Variants in TBX15 observed in about 807,000 individuals in gnomAD.
The protein encoded by TBX15 is T-box transcription factor 15.
TBX15 carries 18 observed loss-of-function variants against 53.9 expected under a neutral mutation model. The ratio of observed to expected loss-of-function variants is 0.33; its 90% CI spans 0.23 to 0.49. TBX15 has a LOEUF of 0.49. Among genes scored for constraint, TBX15 ranks in the 20% least tolerant of loss-of-function variants. The pLI, the probability that TBX15 is intolerant of heterozygous loss-of-function variation, is 0.98. For synonymous variants in TBX15, 295 were observed against 278.0 expected, an observed-to-expected ratio of 1.06 and a Z score of -0.61; for missense variants, 692 against 749.5, an observed-to-expected ratio of 0.92 and a Z score of 0.90.
chr1:118,913,996 G>T, intron 6 of TBX15, 119 bp downstream of exon 6: 1 of 975,406 alleles, frequency 1.0e-6, no homozygotes, highest in Non-Finnish European at 1.6e-6. Context: ...TTGCCGAAGT[G>T]TACACAGTGG....
chr1:118,885,565 G>A (rs1557868800), intron 7 of TBX15, 49 bp from the exon 8 acceptor site: 1 of 1,547,060 alleles, frequency 6.5e-7, no homozygotes, highest in Non-Finnish European at 8.7e-7. Context: ...TTTAAGATGA[G>A]TCTGCCTAAG....
intron 6 of TBX15, among the ~76,000 whole-genome samples, chr1:118,910,226 C>A (rs1311653714): frequency 6.6e-6 from 1 of 152,054 alleles, no homozygotes; most frequent in East Asian, 1.9e-4. Flanking sequence ...TTGTGTTCTG[C>A]AAAACCAAAA....
intron 1 of TBX15, among the ~76,000 whole-genome samples, chr1:118,985,311 T>G (rs538822437): frequency 1.3e-5 from 2 of 152,182 alleles, no homozygotes; most frequent in African/African-American, 4.8e-5. Flanking sequence ...CATACACACA[T>G]CTTTAAATGT....
intron 7 of TBX15, among the ~76,000 whole-genome samples, chr1:118,892,118 A>AGGGAT (rs1235515404): frequency 2.0e-4 from 30 of 151,500 alleles, no homozygotes; most frequent in Non-Finnish European, 4.1e-4. Flanking sequence ...AGTAGGAACA[A>AGGGAT]GGGATTTCAG....
intron 1 of TBX15, among the ~76,000 whole-genome samples, chr1:118,981,314 A>C (rs1250720924): frequency 2.6e-5 from 4 of 151,534 alleles, no homozygotes; most frequent in African/African-American, 9.7e-5. Flanking sequence ...ACACACACAC[A>C]CACACACACA....
At chr1:118,913,162 T>C (rs1425829910) in intron 6 of TBX15, among the ~76,000 whole-genome samples, 1 of 152,170 alleles carries the variant, frequency 6.6e-6, no homozygotes, top group African/African-American at 2.4e-5. Context: ...TTGAAAATTC[T>C]TACAGACAGA....
chr1:118,933,569 G>A (rs1470934516), intron 1 of TBX15, among the ~76,000 whole-genome samples: 2 of 151,636 alleles, frequency 1.3e-5, no homozygotes, highest in Admixed American at 1.3e-4. Context: ...TCCAAGCACT[G>A]AAAAGTAGAA....
At chr1:118,898,984 C>T in intron 7 of TBX15, 44 bp downstream of exon 7, 3 of 1,592,848 alleles carry the variant, frequency 1.9e-6, no homozygotes, top group Non-Finnish European at 2.6e-6. Context: ...CCCACTCTGT[C>T]CCTGGCCCTA....
At chr1:118,966,333 C>T (rs1179678223) in intron 1 of TBX15, among the ~76,000 whole-genome samples, 1 of 152,208 alleles carries the variant, frequency 6.6e-6, no homozygotes, top group Non-Finnish European at 1.5e-5. Flanking sequence ...GCAGGTTCTC[C>T]TGGGCCTGCT....
chr1:118,899,166 T>G (rs1011960097), intron 6 of TBX15, 41 bp from the exon 7 acceptor site: 16 of 1,572,546 alleles, frequency 1.0e-5, no homozygotes, highest in Non-Finnish European at 1.4e-5. Flanking sequence ...ATAAATAATT[T>G]CAAGAAATGC....
In TBX15 at chr1:118,987,925, G is replaced by T. The variant is rs1346942182; in HGVS notation, c.-130C>A. 3.4e-6 allele frequency: 4 copies of T among 1,160,706 alleles called. No individual in the cohort carries two copies. The highest frequency in any genetic ancestry group is 3.6e-6 in the Non-Finnish European group (3 of 833,422). The allele number at this position is 1,160,706 out of a possible 1,614,324, so 71.9% of individuals were successfully genotyped here. A position where few individuals can be genotyped will look rare whatever the true frequency, so the allele number is the denominator to read the frequency against. The stretch of plus-strand genomic sequence containing the variant: ...GCGCGTCGGACGAGGCTGAGACTGC[G>T]GCTCGCGGGTCTCTCCACCCTCCCC... On this transcript the variant is annotated 5_prime_UTR_variant, in exon 1 of 8. Transcript: ENST00000369429.
chr1:118,891,816 A>G (rs1177826699), intron 7 of TBX15, among the ~76,000 whole-genome samples: 1 of 152,210 alleles, frequency 6.6e-6, no homozygotes, highest in Non-Finnish European at 1.5e-5. Context: ...GGGTGCCTAC[A>G]TTAAGCTTTG....
At chr1:118,900,764 G>A (rs899723557) in intron 6 of TBX15, among the ~76,000 whole-genome samples, 3 of 152,266 alleles carry the variant, frequency 2.0e-5, no homozygotes, top group African/African-American at 2.4e-5. Context: ...AATAATAAGG[G>A]GATAGGCAGA....
At chr1:118,915,138 T>C (rs1210622912) in intron 5 of TBX15, among the ~76,000 whole-genome samples, 1 of 152,216 alleles carries the variant, frequency 6.6e-6, no homozygotes, top group Non-Finnish European at 1.5e-5. Context: ...GAATTGTTAA[T>C]GACTCACTAC....
chr1:118,944,034 T>C (rs1444486044), intron 1 of TBX15, among the ~76,000 whole-genome samples: 1 of 152,148 alleles, frequency 6.6e-6, no homozygotes, highest in Non-Finnish European at 1.5e-5. Flanking sequence ...AAGTTCACTT[T>C]TGGGGCACAA....
intron 1 of TBX15, among the ~76,000 whole-genome samples, chr1:118,934,316 T>C (rs1240353944): frequency 2.6e-5 from 4 of 152,134 alleles, no homozygotes; most frequent in Non-Finnish European, 4.4e-5. Flanking sequence ...TAAAACTCTT[T>C]GAACAAGACA....
intron 1 of TBX15, among the ~76,000 whole-genome samples, chr1:118,944,408 T>C (rs560203724): frequency 2.2e-4 from 33 of 152,342 alleles, no homozygotes; most frequent in Admixed American, 3.9e-4. Context: ...ATCCTCACCA[T>C]GTCACTTAAT....
intron 1 of TBX15, among the ~76,000 whole-genome samples, chr1:118,941,462 T>C (rs1656174090): frequency 6.6e-6 from 1 of 152,180 alleles, no homozygotes; most frequent in South Asian, 2.1e-4. Context: ...GCCCTTCAAA[T>C]GATCCCAGGA....
chr1:118,970,988 T>C (rs947564581), intron 1 of TBX15, among the ~76,000 whole-genome samples: 2 of 152,354 alleles, frequency 1.3e-5, no homozygotes, highest in Admixed American at 1.3e-4. Context: ...GTCTTTCACT[T>C]AGAAACTTTT....
Sources: allele counts gnomAD v4.1 joint callset (sites outside exome capture counted in the v4.1 genomes callset), GRCh38; gene constraint gnomAD v4.1.1; transcripts MANE v1.5; gene names NCBI Gene and HGNC (gene_info 2026-07-23, HGNC 2026-07-21).